MORN1: variants seen among roughly 807,000 people sequenced by gnomAD.
The protein encoded by MORN1 is MORN repeat-containing protein 1.
Under a neutral mutation model 61.9 loss-of-function variants are expected in MORN1, and 67 were observed. The ratio of observed to expected loss-of-function variants is 1.08; its 90% CI spans 0.89 to 1.33. The LOEUF (loss-of-function observed/expected upper bound fraction) is 1.33, where lower values mean the gene tolerates loss of function less well. Among genes scored for constraint, MORN1 ranks in the 40% most tolerant of loss-of-function variants. The pLI, the probability that MORN1 is intolerant of heterozygous loss-of-function variation, is 0.00. For synonymous variants in MORN1, 301 were observed against 292.0 expected, an observed-to-expected ratio of 1.03 and a Z score of -0.31; for missense variants, 752 against 691.2, an observed-to-expected ratio of 1.09 and a Z score of -0.99.
At chr1:2,355,370 T>C in intron 10 of MORN1, 1 of 1,538,606 alleles carries the variant, frequency 6.5e-7, no homozygotes, top group Non-Finnish European at 8.8e-7. Context: ...GATGCCTGCA[T>C]GCTCTTTTAT....
At chr1:2,321,990 A>G (rs1302784616) in intron 13 of MORN1, 5 of 973,938 alleles carry the variant, frequency 5.1e-6, no homozygotes, top group Non-Finnish European at 6.1e-6. Context: ...AAAATAATTC[A>G]TTCCCTCCAT....
In MORN1 at chr1:2,388,244, C is replaced by CT; in HGVS notation, c.241_242insA (p.Trp81Ter). 2 of 1,613,464 alleles carry CT rather than the reference C, an allele frequency of 1.2e-6. No individual in the cohort carries two copies. Among genetic ancestry groups the CT allele is most frequent in the Middle Eastern group, 1.7e-4 (1 of 6,054 alleles). Residue 81 changes from tryptophan to a stop codon, truncating the protein, a stop_gained and frameshift_variant, in exon 3 of 14, where the codon TGG becomes TAGG. Transcript: ENST00000378531. LOFTEE classifies it high-confidence loss of function. ...ITGEGRRHWAWSGDTFSGQFV... is the reference protein window; with the variant it reads ...ITGEGRRHWA ...CCATCCCAGCTAGAGCTCACCTGACCAGGCCCAGTGCCGGCGGCCTTCTCC... is the reference window on the plus strand; with the variant it reads ...CCATCCCAGCTAGAGCTCACCTGACCTAGGCCCAGTGCCGGCGGCCTTCTCC...
At position 2,336,455 on chromosome 1, in the gene MORN1, T is replaced by G. The variant is rs1569935071; in HGVS notation, c.1250+14A>C. On this transcript the variant is annotated intron_variant, in intron 12 of 13. Transcript: ENST00000378531. ...ACCCTCCGAACACCTGCAGGTGGGG[T>G]GGGCTCATCCTACCTGCTGCCTCCA... 6.2e-7 allele frequency: 1 copy of G among 1,608,412 alleles called. No homozygotes were observed. The highest frequency in any genetic ancestry group is 8.5e-7 in the Non-Finnish European group (1 of 1,177,518).
chr1:2,353,239 G>C (rs1291080346), intron 10 of MORN1, among the ~76,000 whole-genome samples: 1 of 152,266 alleles, frequency 6.6e-6, no homozygotes, highest in Non-Finnish European at 1.5e-5. Flanking sequence ...TGCTTACAAG[G>C]AAATGATTCC....
In MORN1 at chr1:2,336,803, G is replaced by A. The variant is rs200073693; in HGVS notation, c.1084C>T (p.Gln362Ter). The A allele has an allele frequency of 1.2e-5, 20 of 1,602,156 alleles. No individual in the cohort carries two copies. Among genetic ancestry groups the A allele is most frequent in the Non-Finnish European group, 1.7e-5 (20 of 1,175,120 alleles). Reference sequence around the variant, plus strand: ...ACATCTGTGAACTCGGCACAGCCCTGCTCCACTCGCTGACAGGCCCCGGGA... The same window carrying A: ...ACATCTGTGAACTCGGCACAGCCCTACTCCACTCGCTGACAGGCCCCGGGA... ...HCPGACQRVE[Q>*]GCAEFTDVLL... The change falls in exon 11 of 14, where the codon CAG becomes TAG. Residue 362 changes from glutamine to a stop codon, truncating the protein, a stop_gained. Coordinates refer to ENST00000378531, the MANE Select transcript of MORN1 (RefSeq NM_024848.3). LOFTEE classifies it high-confidence loss of function.
intron 10 of MORN1, among the ~76,000 whole-genome samples, chr1:2,347,643 G>C (rs1322830670): frequency 6.6e-6 from 1 of 152,136 alleles, no homozygotes; most frequent in Non-Finnish European, 1.5e-5. Flanking sequence ...GGCCACGCAG[G>C]TGTCCTCCCC....
intron 10 of MORN1, chr1:2,355,167 G>T (rs536627111): frequency 7.3e-5 from 85 of 1,172,024 alleles, no homozygotes; most frequent in Non-Finnish European, 8.4e-5. Context: ...CAAGTAGAAG[G>T]CATGGCGCCC....
rs752476364 is a variant in MORN1, at chr1:2,334,975, G to A, written c.1250+1494C>T. On this transcript the variant is annotated intron_variant, in intron 12 of 13. Transcript: ENST00000378531. This position sits in a 1 kb window ranked among gnomAD's most constrained non-coding sequence, Gnocchi z 5.4. ...CAGAATGTCTCGGCTTTTGGCTCTCGCAGACGCTCCTGAGGCCGAGTCACT... is the reference window on the plus strand; with the variant it reads ...CAGAATGTCTCGGCTTTTGGCTCTCACAGACGCTCCTGAGGCCGAGTCACT... Among the ~76,000 whole-genome samples, 1 of 152,214 alleles carries A rather than the reference G, an allele frequency of 6.6e-6. No homozygotes were observed. The highest frequency in any genetic ancestry group is 1.5e-5 in the Non-Finnish European group (1 of 68,042).
intron 10 of MORN1, among the ~76,000 whole-genome samples, chr1:2,341,321 C>T (rs922572062): frequency 3.9e-5 from 6 of 152,138 alleles, no homozygotes; most frequent in Non-Finnish European, 8.8e-5. Flanking sequence ...TGCCCCCCAA[C>T]ATCACCCCCT....
At chr1:2,338,537 G>T (rs1420713141) in intron 10 of MORN1, among the ~76,000 whole-genome samples, 5 of 152,174 alleles carry the variant, frequency 3.3e-5, no homozygotes, top group Admixed American at 3.3e-4. Flanking sequence ...CTCACCCTCG[G>T]CAAGGTGACC....
chr1:2,324,002 C>T (rs890887921), intron 13 of MORN1, 95 bp downstream of exon 13: 21 of 1,477,950 alleles, frequency 1.4e-5, no homozygotes, highest in South Asian at 4.0e-5. Flanking sequence ...GGCCCCGGGC[C>T]GAGTTCCCCC....
chr1:2,370,586 A>G (rs1477665705), intron 8 of MORN1, among the ~76,000 whole-genome samples: 2 of 152,242 alleles, frequency 1.3e-5, no homozygotes, highest in Non-Finnish European at 2.9e-5. Flanking sequence ...TTGCAAAGAC[A>G]TATCTGATAA....
At chr1:2,324,781 G>T (rs1640964797) in intron 12 of MORN1, among the ~76,000 whole-genome samples, 14 of 152,134 alleles carry the variant, frequency 9.2e-5, no homozygotes, top group Admixed American at 9.2e-4. Context: ...CTCTGGGGGG[G>T]CCCACCACCC....
At position 2,382,085 on chromosome 1, in the gene MORN1, C is replaced by T. The variant is rs371222872; in HGVS notation, c.537+2893G>A. Among the ~76,000 whole-genome samples the T allele has an allele frequency of 7.6e-4, 115 of 152,260 alleles. 1 individual carries two copies. Among genetic ancestry groups the T allele is most frequent in the African/African-American group, 2.4e-3 (100 of 41,554 alleles). ...CAGGGGACCTGTGGGACAGAACAGC[C>T]TCTGGGGACAGGGCTAGGCTGGGAG... On this transcript the variant is annotated intron_variant, in intron 6 of 13. Transcript: ENST00000378531.
intron 7 of MORN1, among the ~76,000 whole-genome samples, chr1:2,373,817 G>A (rs1378409774): frequency 6.6e-6 from 1 of 152,196 alleles, no homozygotes; most frequent in Non-Finnish European, 1.5e-5. Flanking sequence ...TCACCCCTGT[G>A]ACCTCTCCCA....
chr1:2,357,486 C>A lies in MORN1; in HGVS notation c.982G>T (p.Glu328Ter). Residue 328 changes from glutamate (E) to a stop codon, truncating the protein, a stop_gained, in exon 10 of 14, where the codon GAG becomes TAG. Coordinates refer to ENST00000378531, the MANE Select transcript of MORN1 (RefSeq NM_024848.3). LOFTEE classifies it high-confidence loss of function. This position sits in a 1 kb window ranked among gnomAD's most constrained non-coding sequence, Gnocchi z 6.3. ...ADVPLPRGDL[E>*]LHLGALHGQE... ...CCATGGAGGGCACCCAAATGCAGCT[C>A]CAGGTCTCCCCTGGGCAGGGGCACG... The A allele has an allele frequency of 6.2e-7, 1 of 1,612,610 alleles. No homozygotes were observed. Among genetic ancestry groups the A allele is most frequent in the East Asian group, 2.2e-5 (1 of 44,832 alleles).
chr1:2,362,816 A>G (rs1411023244), intron 8 of MORN1, among the ~76,000 whole-genome samples: 1 of 152,150 alleles, frequency 6.6e-6, no homozygotes, highest in Non-Finnish European at 1.5e-5. Context: ...GTGAGCCGAG[A>G]TCGCGCCATT....
At chr1:2,328,324 G>A (rs995852609) in intron 12 of MORN1, among the ~76,000 whole-genome samples, 1 of 152,216 alleles carries the variant, frequency 6.6e-6, no homozygotes, top group Non-Finnish European at 1.5e-5. Flanking sequence ...CCTGGTGTCC[G>A]GGCTCCTGGA....
intron 6 of MORN1, among the ~76,000 whole-genome samples, chr1:2,383,399 G>C (rs1195646255): frequency 6.6e-6 from 1 of 152,166 alleles, no homozygotes; most frequent in East Asian, 1.9e-4. Flanking sequence ...TACCACCTGG[G>C]CTGGCAGCCA....
Sources: gnomAD v4.1 joint callset for allele counts (sites outside exome capture counted in the v4.1 genomes callset) on GRCh38, gnomAD v4.1.1 for gene constraint, Gnocchi (gnomAD v3.1) non-coding constraint, MANE v1.5 for transcripts, NCBI Gene and HGNC (gene_info 2026-07-23, HGNC 2026-07-21) for gene names.